Variants in DNMT3A observed in about 807,000 individuals in gnomAD.
DNMT3A encodes the protein DNA methyltransferase 3 alpha.
A neutral mutation model predicts 117.6 loss-of-function variants in DNMT3A; 267 were observed. The observed-to-expected ratio is 2.27, with a 90% CI of 2.05 to 2.51. The LOEUF is 2.51. DNMT3A is among the 30% of genes most tolerant of loss of function. The pLI, the probability that DNMT3A is intolerant of heterozygous loss-of-function variation, is 0.00. For synonymous variants in DNMT3A, 432 were observed against 474.8 expected (o/e 0.91, Z 1.17); for missense variants, 1,029 against 1,260.2 (o/e 0.82, Z 2.78).
At chr2:25,278,905 T>C (rs1398179575) in intron 4 of DNMT3A, among the ~76,000 whole-genome samples, 2 of 152,116 alleles carry the variant, frequency 1.3e-5, no homozygotes, top group Non-Finnish European at 2.9e-5. Context: ...AACTTTCATA[T>C]ACATGGGAAG....
chr2:25,268,653 G>C (rs2030586172), intron 6 of DNMT3A, among the ~76,000 whole-genome samples: 2 of 152,180 alleles, frequency 1.3e-5, no homozygotes, highest in Non-Finnish European at 2.9e-5. Context: ...GCCAAGGAAG[G>C]TTCTCCTCAG....
In DNMT3A at chr2:25,282,834, A is replaced by C; in HGVS notation, c.178-123T>G. 8.1e-7 allele frequency: 1 copy of C among 1,238,308 alleles called. No individual in the cohort carries two copies. The allele number at this position is 1,238,308 out of a possible 1,614,324, so 76.7% of individuals were successfully genotyped here. A position where few individuals can be genotyped will look rare whatever the true frequency, so the allele number is the denominator to read the frequency against. ...CACTTTCTGTCCAGAAACTGTGTTC[A>C]TATAAACCTTCATGCAAACAGATAC... On this transcript the variant is annotated intron_variant, in intron 3 of 22. Transcript: ENST00000321117. The surrounding 1 kb of genome is among the most constrained non-coding windows in gnomAD (Gnocchi z 5.2).
intron 1 of DNMT3A, among the ~76,000 whole-genome samples, chr2:25,336,971 TGCAGTTCTTC>T (rs1459510336): frequency 6.6e-6 from 1 of 152,208 alleles, no homozygotes; most frequent in Non-Finnish European, 1.5e-5. Flanking sequence ...AGTCCCACTC[TGCAGTTCTTC>T]GTTAGCTGGG....
Position 25,252,676 on chromosome 2 carries a change from G to T in DNMT3A, c.640-4424C>A, listed in dbSNP as rs1447801552. Among the ~76,000 whole-genome samples the T allele has an allele frequency of 6.6e-6, 1 of 152,188 alleles. No homozygotes were observed. The highest frequency in any genetic ancestry group is 1.9e-4 in the East Asian group (1 of 5,194). On this transcript the variant is annotated intron_variant, in intron 6 of 22. Transcript: ENST00000321117. This position sits in a 1 kb window ranked among gnomAD's most constrained non-coding sequence, Gnocchi z 5.5. ...CTCCCGAGCCGCCTGCCCGGAGGGA[G>T]CCGGGGGTCCGGGCGAAAGCAAGCC...
At position 25,278,003 on chromosome 2, in the gene DNMT3A, A is replaced by ACT. The variant is rs1334613890; in HGVS notation, c.449-2461_449-2460insAG. Among the ~76,000 whole-genome samples the ACT allele has an allele frequency of 2.1e-4, 15 of 71,410 alleles. No individual in the cohort carries two copies. The East Asian group carries it at 3.3e-3, about 16-fold the overall frequency. The allele number at this position is 71,410 out of a possible 152,430, so 46.8% of individuals were successfully genotyped here. On this transcript the variant is annotated intron_variant, in intron 4 of 22. Coordinates refer to ENST00000321117, the MANE Select transcript of DNMT3A (RefSeq NM_022552.5). The stretch of plus-strand genomic sequence containing the variant: ...TCTGCGCATGCCCACTTGAGTGATC[A>ACT]CACACACACACACACACACACACAC...
Position 25,228,843 on chromosome 2 carries a change from A to T in DNMT3A, c.*5436T>A, listed in dbSNP as rs1672768471. 6.6e-6 allele frequency: 1 copy of T among 152,216 alleles called. No homozygotes were observed. The highest frequency in any genetic ancestry group is 2.4e-5 in the African/African-American group (1 of 41,456). 9.4% of individuals were successfully genotyped at this position (152,216 alleles called of 1,614,324 possible). ...GTGAAATGGGACTAGGGGATGCTTT[A>T]GACCGCTGCTCATGTTCTCAGGCAC... On this transcript the variant is annotated 3_prime_UTR_variant, in exon 23 of 23. Coordinates refer to ENST00000321117, the MANE Select transcript of DNMT3A (RefSeq NM_022552.5).
At chr2:25,284,099 G>A (rs376480721) in intron 3 of DNMT3A, among the ~76,000 whole-genome samples, 12 of 152,322 alleles carry the variant, frequency 7.9e-5, no homozygotes, top group East Asian at 7.7e-4. Context: ...CCCATGGCTC[G>A]GCACTCTGCC....
At chr2:25,249,991 C>T (rs1394950616) in intron 6 of DNMT3A, among the ~76,000 whole-genome samples, 1 of 152,230 alleles carries the variant, frequency 6.6e-6, no homozygotes, top group Admixed American at 6.5e-5. Flanking sequence ...GAAGTTGCAG[C>T]CTCTACATTC....
intron 2 of DNMT3A, among the ~76,000 whole-genome samples, chr2:25,303,352 AC>A (rs1037148760): frequency 6.6e-6 from 1 of 152,184 alleles, no homozygotes; most frequent in Non-Finnish European, 1.5e-5. Flanking sequence ...CCGACAGGCC[AC>A]CCCTCTGCCA....
chr2:25,244,414 A>G, intron 14 of DNMT3A, 76 bp from the exon 15 acceptor site: 3 of 1,564,564 alleles, frequency 1.9e-6, no homozygotes, highest in Non-Finnish European at 2.6e-6. Context: ...CCTGGAATGG[A>G]AAGACCGGGT....
intron 2 of DNMT3A, among the ~76,000 whole-genome samples, chr2:25,309,386 C>T (rs1411684014): frequency 6.6e-6 from 1 of 152,186 alleles, no homozygotes; most frequent in Non-Finnish European, 1.5e-5. Flanking sequence ...TGCAGCAGTG[C>T]CTCCATCTGG....
chr2:25,331,935 C>T (rs1032170541), intron 1 of DNMT3A, among the ~76,000 whole-genome samples: 9 of 152,080 alleles, frequency 5.9e-5, no homozygotes, highest in Admixed American at 2.0e-4. Context: ...AGGGCATCCC[C>T]ACCCACACAG....
rs1354334608 is a variant in DNMT3A, at chr2:25,233,938, G to C, written c.*341C>G. 5 of 247,936 alleles carry C rather than the reference G, an allele frequency of 2.0e-5. No individual in the cohort carries two copies. Among genetic ancestry groups the C allele is most frequent in the African/African-American group, 8.8e-5 (4 of 45,306 alleles). 15.4% of individuals were successfully genotyped at this position (247,936 alleles called of 1,614,324 possible). A position where few individuals can be genotyped will look rare whatever the true frequency, so the allele number is the denominator to read the frequency against. ...AACCTTCTTGTTTCAGTCACAGCAA[G>C]AAACAAAACCCAAACAAACAGAAAA... is the stretch of plus-strand genomic sequence containing the variant. On this transcript the variant is annotated 3_prime_UTR_variant, in exon 23 of 23. Transcript: ENST00000321117.
At chr2:25,240,585 A>G in intron 18 of DNMT3A, 55 bp downstream of exon 18, 1 of 1,607,948 alleles carries the variant, frequency 6.2e-7, no homozygotes, top group South Asian at 1.1e-5. Context: ...CCAAGGAGGA[A>G]GCCTATGTGC....
chr2:25,230,448 A>AG lies in DNMT3A; in HGVS notation c.*3830dup, dbSNP rs1489675531. On this transcript the variant is annotated 3_prime_UTR_variant, in exon 23 of 23. Coordinates refer to ENST00000321117, the MANE Select transcript of DNMT3A (RefSeq NM_022552.5). ...GGCACCTGCAGGGGAAGCTGTCATCAGCCCCCAGAACCCTTGTTTCTAAGG... is the reference window on the plus strand; with the variant it reads ...GGCACCTGCAGGGGAAGCTGTCATCAGGCCCCCAGAACCCTTGTTTCTAAGG... 1 of 152,264 alleles carries AG rather than the reference A, an allele frequency of 6.6e-6. No homozygotes were observed. Among genetic ancestry groups the AG allele is most frequent in the African/African-American group, 2.4e-5 (1 of 41,466 alleles). The allele number at this position is 152,264 out of a possible 1,614,324, so 9.4% of individuals were successfully genotyped here.
chr2:25,342,248 C>T (rs557756114), upstream of DNMT3A, among the ~76,000 whole-genome samples: 1 of 148,682 alleles, frequency 6.7e-6, no homozygotes, highest in South Asian at 2.1e-4. This position sits in a 1 kb window ranked among gnomAD's most constrained non-coding sequence, Gnocchi z 5.9. Context: ...TTCCCGGCCT[C>T]TGCGGCCCCG....
chr2:25,249,774 C>T (rs749708259), intron 6 of DNMT3A: 2 of 1,602,348 alleles, frequency 1.2e-6, no homozygotes, highest in East Asian at 4.5e-5. Flanking sequence ...AACCATTAGC[C>T]TTTTACTGAA....
Position 25,252,621 on chromosome 2 carries a change from CG to C in DNMT3A, c.640-4370del, listed in dbSNP as rs1374795081. ...GCTCTGGAAGAGATTAGCGCGGGGC[CG>C]GGGGGCCGGGAGGGGAGGGAAGGGG... is the stretch of plus-strand genomic sequence containing the variant. On this transcript the variant is annotated intron_variant, in intron 6 of 22. Transcript: ENST00000321117. The surrounding 1 kb of genome is among the most constrained non-coding windows in gnomAD (Gnocchi z 5.5). Among the ~76,000 whole-genome samples, 1 of 143,454 alleles carries C rather than the reference CG, an allele frequency of 7.0e-6. No homozygotes were observed. Among genetic ancestry groups the C allele is most frequent in the Non-Finnish European group, 1.5e-5 (1 of 65,164 alleles). 94.1% of individuals were successfully genotyped at this position (143,454 alleles called of 152,430 possible). A position where few individuals can be genotyped will look rare whatever the true frequency, so the allele number is the denominator to read the frequency against.
At chr2:25,341,749 G>A (rs1159632824) in intron 1 of DNMT3A, 77 bp downstream of exon 1, 1 of 945,174 alleles carries the variant, frequency 1.1e-6, no homozygotes, top group African/African-American at 1.8e-5. Context: ...GCCAGCCGCG[G>A]CGCCCCCCGC....
Sources: allele counts gnomAD v4.1 joint callset (sites outside exome capture counted in the v4.1 genomes callset), GRCh38; gene constraint gnomAD v4.1.1; non-coding constraint Gnocchi (gnomAD v3.1); transcripts MANE v1.5; gene names NCBI Gene and HGNC (gene_info 2026-07-23, HGNC 2026-07-21).